The following SNX25 variants were observed in gnomAD, a reference collection of about 807,000 sequenced individuals.
SNX25 encodes the protein sorting nexin 25.
SNX25 carries 62 observed loss-of-function variants against 113.7 expected under a neutral mutation model. The ratio of observed to expected loss-of-function variants is 0.55; its 90% CI spans 0.44 to 0.67. The LOEUF (loss-of-function observed/expected upper bound fraction) is 0.67. Among genes scored for constraint, SNX25 ranks in the 30% least tolerant of loss-of-function variants. The pLI is 0.00. For synonymous variants in SNX25, 421 were observed against 436.2 expected (o/e 0.97, Z 0.43); for missense variants, 1,014 against 1,161.0 (o/e 0.87, Z 1.84).
intron 6 of SNX25, among the ~76,000 whole-genome samples, chr4:185,291,283 T>C (rs141067947): frequency 8.9e-4 from 135 of 152,332 alleles, no homozygotes; most frequent in African/African-American, 3.1e-3. Context: ...TACTGTTCTG[T>C]AGCCATCATT....
At chr4:185,360,698 C>T (rs2095357264) in intron 16 of SNX25, among the ~76,000 whole-genome samples, 1 of 152,016 alleles carries the variant, frequency 6.6e-6, no homozygotes, top group African/African-American at 2.4e-5. Context: ...CCTGTAATCC[C>T]AGCACTTTGG....
intron 1 of SNX25, among the ~76,000 whole-genome samples, chr4:185,235,507 A>G (rs528031018): frequency 7.2e-5 from 11 of 152,288 alleles, no homozygotes; most frequent in African/African-American, 1.9e-4. Context: ...CCTATGCATA[A>G]TTCGTGCTTC....
At chr4:185,283,334 A>G (rs1454389824) in intron 5 of SNX25, among the ~76,000 whole-genome samples, 1 of 152,232 alleles carries the variant, frequency 6.6e-6, no homozygotes, top group Non-Finnish European at 1.5e-5. Flanking sequence ...ATGGCCATGC[A>G]TGGAGTGTTT....
chr4:185,235,181 G>C (rs1181338060), intron 1 of SNX25, among the ~76,000 whole-genome samples: 1 of 152,206 alleles, frequency 6.6e-6, no homozygotes, highest in East Asian at 1.9e-4. Flanking sequence ...AGGCATGGTT[G>C]GCCTTTGGCC....
At chr4:185,311,008 A>G (rs1420030582) in intron 7 of SNX25, among the ~76,000 whole-genome samples, 192 bp downstream of exon 7, 1 of 152,072 alleles carries the variant, frequency 6.6e-6, no homozygotes, top group African/African-American at 2.4e-5. Context: ...GGTAATAGGT[A>G]TAGATAGGCC....
intron 16 of SNX25, among the ~76,000 whole-genome samples, chr4:185,360,695 T>C (rs997471271): frequency 6.6e-6 from 1 of 152,034 alleles, no homozygotes; most frequent in African/African-American, 2.4e-5. Context: ...ACGCCTGTAA[T>C]CCCAGCACTT....
intron 5 of SNX25, among the ~76,000 whole-genome samples, chr4:185,274,241 A>C (rs373835950): frequency 2.6e-5 from 4 of 152,056 alleles, no homozygotes; most frequent in East Asian, 3.9e-4. Flanking sequence ...TTGTATCTTT[A>C]GTAGAGACAG....
intron 10 of SNX25, among the ~76,000 whole-genome samples, chr4:185,335,077 T>G (rs540981366): frequency 5.6e-4 from 85 of 152,240 alleles, no homozygotes; most frequent in Middle Eastern, 3.4e-3. Context: ...CCCAGCACTT[T>G]GGGAGGCCAA....
chr4:185,321,016 A>G (rs2126684784), intron 8 of SNX25, 152 bp downstream of exon 8: 1 of 599,686 alleles, frequency 1.7e-6, no homozygotes, highest in East Asian at 3.5e-5. Flanking sequence ...CATAATGGCA[A>G]ATAAAATTAC....
chr4:185,215,792 CTT>C (rs80171477), intron 1 of SNX25, among the ~76,000 whole-genome samples: 58 of 140,258 alleles, frequency 4.1e-4, no homozygotes, highest in Non-Finnish European at 3.5e-4. Context: ...ACTTTAAATT[CTT>C]TTTTTTTTTT....
chr4:185,223,450 G>C (rs1016005165), intron 1 of SNX25, among the ~76,000 whole-genome samples: 2 of 152,080 alleles, frequency 1.3e-5, no homozygotes, highest in African/African-American at 4.8e-5. Context: ...GGGTCCAGAG[G>C]CCTGCTCAAA....
chr4:185,209,944 G>C lies in SNX25; in HGVS notation c.118G>C (p.Asp40His). Residue 40 changes from aspartate to histidine, a missense_variant, in exon 1 of 19, where the codon GAC becomes CAC. Asp to His is a moderately conservative substitution (Grantham distance 81). Coordinates refer to ENST00000652585, the MANE Select transcript of SNX25 (RefSeq NM_001378034.2). The surrounding 1 kb of genome is among the most constrained non-coding windows in gnomAD (Gnocchi z 5.2). The stretch of plus-strand genomic sequence containing the variant: ...CGAGCGGCGGCCGGAGTCCCCGGGG[G>C]ACGCGGAGGCAGCAGCAGCGGCGGC... ...RGERRPESPGDAEAAAAAAPG... is the reference protein window; with the variant it reads ...RGERRPESPGHAEAAAAAAPG... 1.0e-6 allele frequency: 1 copy of C among 983,724 alleles called. No homozygotes were observed. The highest frequency in any genetic ancestry group is 1.2e-6 in the Non-Finnish European group (1 of 829,288). 60.9% of individuals were successfully genotyped at this position (983,724 alleles called of 1,614,324 possible). A position where few individuals can be genotyped will look rare whatever the true frequency, so the allele number is the denominator to read the frequency against.
At chr4:185,371,879 C>T (rs549493786), downstream of SNX25, among the ~76,000 whole-genome samples, 18 of 152,050 alleles carry the variant, frequency 1.2e-4, no homozygotes, top group South Asian at 4.2e-4. Flanking sequence ...AGCTAGGGCT[C>T]GGAGAGGGGG....
intron 5 of SNX25, among the ~76,000 whole-genome samples, chr4:185,270,433 C>A (rs1748764261): frequency 6.6e-6 from 1 of 152,228 alleles, no homozygotes; most frequent in African/African-American, 2.4e-5. Context: ...AGGGATAGCA[C>A]CTGGGTGCCC....
At chr4:185,231,431 C>T (rs1472778189) in intron 1 of SNX25, among the ~76,000 whole-genome samples, 1 of 151,020 alleles carries the variant, frequency 6.6e-6, no homozygotes, top group East Asian at 2.0e-4. Context: ...CAAAATTGGC[C>T]GGACGCGGTG....
Position 185,277,974 on chromosome 4 carries a change from C to T in SNX25, c.1092-10038C>T, listed in dbSNP as rs552876234. Among the ~76,000 whole-genome samples, 505 of 141,926 alleles carry T rather than the reference C, an allele frequency of 3.6e-3. 136 individuals carry two copies. The highest frequency in any genetic ancestry group is 0.011 in the African/African-American group (434 of 38,530). The allele number at this position is 141,926 out of a possible 152,430, so 93.1% of individuals were successfully genotyped here. On this transcript the variant is annotated intron_variant, in intron 5 of 18. Transcript: ENST00000652585. ...GTCTCGATCTCCTGACCTCGTGATCCGCCCGCCTCGGCCTCCCAAAGTGCT... is the reference window on the plus strand; with the variant it reads ...GTCTCGATCTCCTGACCTCGTGATCTGCCCGCCTCGGCCTCCCAAAGTGCT...
intron 9 of SNX25, among the ~76,000 whole-genome samples, chr4:185,329,206 A>T (rs2095177253): frequency 6.6e-6 from 1 of 152,112 alleles, no homozygotes; most frequent in Admixed American, 6.5e-5. Context: ...TTTTCAGGCC[A>T]TCGGTTGTCA....
intron 1 of SNX25, among the ~76,000 whole-genome samples, chr4:185,241,154 C>T (rs1162766809): frequency 2.0e-5 from 3 of 151,756 alleles, no homozygotes; most frequent in Admixed American, 6.6e-5. Flanking sequence ...TGTAGCGAGC[C>T]GAGATCACGC....
intron 9 of SNX25, among the ~76,000 whole-genome samples, chr4:185,328,710 C>G (rs948935494): frequency 6.6e-6 from 1 of 152,176 alleles, no homozygotes; most frequent in Admixed American, 6.5e-5. Context: ...ATCCCAGATG[C>G]TATTTGATCT....
Sources: allele counts gnomAD v4.1 joint callset (sites outside exome capture counted in the v4.1 genomes callset), GRCh38; gene constraint gnomAD v4.1.1; non-coding constraint Gnocchi (gnomAD v3.1); transcripts MANE v1.5; gene names NCBI Gene and HGNC (gene_info 2026-07-23, HGNC 2026-07-21).